TMTC1: variants seen among roughly 807,000 people sequenced by gnomAD.
TMTC1 encodes the protein protein O-mannosyl-transferase TMTC1.
A neutral mutation model predicts 104.8 loss-of-function variants in TMTC1; 73 were observed. That is an observed-to-expected ratio of 0.70 (90% confidence interval 0.58 to 0.85). TMTC1 has a LOEUF of 0.85. Among genes scored for constraint, TMTC1 ranks in the 40% least tolerant of loss-of-function variants. The pLI is 0.00. For synonymous variants in TMTC1, 434 were observed against 428.7 expected (o/e 1.01, Z -0.15); for missense variants, 1,035 against 1,096.1 (o/e 0.94, Z 0.79).
chr12:29,667,635 T>A (rs1183150981), intron 5 of TMTC1, among the ~76,000 whole-genome samples: 1 of 152,230 alleles, frequency 6.6e-6, no homozygotes, highest in African/African-American at 2.4e-5. Flanking sequence ...AAGGTCATGA[T>A]GTTTCAGTGT....
chr12:29,590,078 G>A (rs1420238773), intron 7 of TMTC1, among the ~76,000 whole-genome samples: 3 of 151,486 alleles, frequency 2.0e-5, no homozygotes, highest in Non-Finnish European at 4.4e-5. Flanking sequence ...TTTGTAGCAG[G>A]AAAACAGCCA....
intron 5 of TMTC1, among the ~76,000 whole-genome samples, chr12:29,739,464 C>T (rs1942768084): frequency 6.6e-6 from 1 of 152,190 alleles, no homozygotes; most frequent in Non-Finnish European, 1.5e-5. Context: ...CTCCTGTGAT[C>T]TCATAATTCT....
chr12:29,689,872 G>C (rs899766288), intron 5 of TMTC1, among the ~76,000 whole-genome samples: 1 of 152,126 alleles, frequency 6.6e-6, no homozygotes. Flanking sequence ...GTAAGACTAA[G>C]CTGCTTAAAT....
At chr12:29,555,134 C>CGTTTT (rs376904425) in intron 10 of TMTC1, among the ~76,000 whole-genome samples, 1 of 88,202 alleles carries the variant, frequency 1.1e-5, no homozygotes. Context: ...TTCCAACATC[C>CGTTTT]TTTTTTTTTT....
Position 29,747,888 on chromosome 12 carries a change from C to T in TMTC1, c.938+3778G>A, listed in dbSNP as rs1942994926. On this transcript the variant is annotated intron_variant, in intron 5 of 17. Coordinates refer to ENST00000539277, the MANE Select transcript of TMTC1 (RefSeq NM_001193451.2). ...AGAGATCAAATAACTCGTCTGGGAT[C>T]AAGTAAGTGATAGAGCCATGATTTA... Among the ~76,000 whole-genome samples, 4 of 152,220 alleles carry T rather than the reference C, an allele frequency of 2.6e-5. No individual in the cohort carries two copies. The South Asian group carries it at 8.3e-4, about 32-fold the overall frequency.
intron 10 of TMTC1, among the ~76,000 whole-genome samples, chr12:29,542,331 G>C (rs1195549154): frequency 1.3e-5 from 2 of 152,204 alleles, no homozygotes; most frequent in Non-Finnish European, 1.5e-5. Flanking sequence ...CGGCACTGAT[G>C]GAACTCTTGG....
chr12:29,736,867 C>T (rs1942690440), intron 5 of TMTC1, among the ~76,000 whole-genome samples: 1 of 152,226 alleles, frequency 6.6e-6, no homozygotes, highest in Admixed American at 6.5e-5. Context: ...TGATACTTAA[C>T]CAGATACACA....
At chr12:29,610,780 T>A (rs1023734324) in intron 6 of TMTC1, among the ~76,000 whole-genome samples, 1 of 152,150 alleles carries the variant, frequency 6.6e-6, no homozygotes, top group Non-Finnish European at 1.5e-5. Flanking sequence ...ATTTTTTTCC[T>A]CTTGTCTGAA....
At chr12:29,604,095 A>G in intron 7 of TMTC1, 83 bp downstream of exon 7, 2 of 1,574,476 alleles carry the variant, frequency 1.3e-6, no homozygotes, top group South Asian at 1.1e-5. Context: ...AATGGTCTAC[A>G]CACAGAAGAC....
chr12:29,611,528 G>A (rs1946846562), intron 6 of TMTC1, among the ~76,000 whole-genome samples: 1 of 152,136 alleles, frequency 6.6e-6, no homozygotes, highest in South Asian at 2.1e-4. Context: ...AGGAGATAAG[G>A]TAATTAAGTA....
chr12:29,558,696 C>G (rs931067062), intron 9 of TMTC1, among the ~76,000 whole-genome samples: 3 of 152,164 alleles, frequency 2.0e-5, no homozygotes, highest in Non-Finnish European at 2.9e-5. Flanking sequence ...AGCCAGCACA[C>G]GCGCTGTTGT....
At chr12:29,642,806 T>G (rs984591141) in intron 5 of TMTC1, among the ~76,000 whole-genome samples, 2 of 151,846 alleles carry the variant, frequency 1.3e-5, no homozygotes, top group Non-Finnish European at 2.9e-5. Context: ...GCGCCTGTGG[T>G]CCCAGCTATT....
In TMTC1 at chr12:29,665,936, C is replaced by T. The variant is rs182207756; in HGVS notation, c.939-32600G>A. The stretch of plus-strand genomic sequence containing the variant: ...TTTTCTCTTAGTAATTTTCCATCCA[C>T]TGATGCCCCCCCAACCCACCACACC... On this transcript the variant is annotated intron_variant, in intron 5 of 17. Coordinates refer to ENST00000539277, the MANE Select transcript of TMTC1 (RefSeq NM_001193451.2). 1.6e-4 allele frequency among the ~76,000 whole-genome samples: 25 copies of T among 152,014 alleles called. No homozygotes were observed. The East Asian group carries it at 4.8e-3, about 29-fold the overall frequency.
chr12:29,756,457 T>C lies in TMTC1; in HGVS notation c.555-572A>G, dbSNP rs373040060. Among the ~76,000 whole-genome samples the C allele has an allele frequency of 6.4e-4, 97 of 152,356 alleles. 2 individuals carry two copies. The South Asian group carries it at 0.019, about 29-fold the overall frequency. Reference sequence around the variant, plus strand: ...AAACAAAGTTGCCAGTGGATATATATGCCAAAATATAATAAGCATTTCTCT... The same window carrying C: ...AAACAAAGTTGCCAGTGGATATATACGCCAAAATATAATAAGCATTTCTCT... On this transcript the variant is annotated intron_variant, in intron 3 of 17. Transcript: ENST00000539277.
At chr12:29,633,689 C>A (rs184664305) in intron 5 of TMTC1, among the ~76,000 whole-genome samples, 1 of 152,034 alleles carries the variant, frequency 6.6e-6, no homozygotes, top group Non-Finnish European at 1.5e-5. Flanking sequence ...TTAACAGTGC[C>A]CAGAATTCTG....
intron 5 of TMTC1, among the ~76,000 whole-genome samples, chr12:29,662,868 G>A (rs1940099495): frequency 6.6e-6 from 1 of 152,056 alleles, no homozygotes; most frequent in Non-Finnish European, 1.5e-5. Flanking sequence ...AGAAAACGAG[G>A]AGTCCAAAAA....
intron 1 of TMTC1, among the ~76,000 whole-genome samples, chr12:29,775,084 G>T (rs1943677617): frequency 6.6e-6 from 1 of 152,076 alleles, no homozygotes; most frequent in Non-Finnish European, 1.5e-5. Flanking sequence ...AAAACTGAAG[G>T]CAGGAAGATC....
chr12:29,684,060 C>T (rs1204269372), intron 5 of TMTC1, among the ~76,000 whole-genome samples: 1 of 152,248 alleles, frequency 6.6e-6, no homozygotes, highest in South Asian at 2.1e-4. Flanking sequence ...GCCAGGCTGG[C>T]CTCAAACTCC....
intron 7 of TMTC1, among the ~76,000 whole-genome samples, chr12:29,598,572 G>A (rs779178921): frequency 3.2e-4 from 49 of 152,094 alleles, no homozygotes; most frequent in Non-Finnish European, 5.0e-4. Context: ...AAAAAGTTCC[G>A]TTTCTCACTG....
Sources: allele counts gnomAD v4.1 joint callset (sites outside exome capture counted in the v4.1 genomes callset), GRCh38; gene constraint gnomAD v4.1.1; transcripts MANE v1.5; gene names NCBI Gene and HGNC (gene_info 2026-07-23, HGNC 2026-07-21).